PPP2CA: variants seen among roughly 807,000 people sequenced by gnomAD.
PPP2CA encodes serine/threonine-protein phosphatase 2A catalytic subunit alpha isoform.
Under a neutral mutation model 38.8 loss-of-function variants are expected in PPP2CA, and 5 were observed. The observed-to-expected ratio is 0.13, with a 90% CI of 0.07 to 0.27. The LOEUF (loss-of-function observed/expected upper bound fraction) is 0.27. Ranked by LOEUF, PPP2CA falls within the 10% of genes least tolerant of loss-of-function variation. The pLI, the probability that PPP2CA is intolerant of heterozygous loss-of-function variation, is 1.00. For missense variants in PPP2CA, 88 were observed against 389.7 expected, an observed-to-expected ratio of 0.23 and a Z score of 6.52; for synonymous variants, 152 against 134.0, an observed-to-expected ratio of 1.13 and a Z score of -0.93.
At chr5:134,222,960 C>G (rs1423587147) in intron 1 of PPP2CA, among the ~76,000 whole-genome samples, 1 of 152,130 alleles carries the variant, frequency 6.6e-6, no homozygotes, top group Non-Finnish European at 1.5e-5. Context: ...TCTCTCAGTT[C>G]TGAACATGTA....
At chr5:134,225,258 G>C (rs1056870764) in intron 1 of PPP2CA, among the ~76,000 whole-genome samples, 3 of 152,174 alleles carry the variant, frequency 2.0e-5, no homozygotes, top group African/African-American at 7.2e-5. Context: ...AACCACCAAG[G>C]GGTACTAAAG....
chr5:134,213,784 T>C (rs982531522), intron 1 of PPP2CA, among the ~76,000 whole-genome samples: 4 of 151,858 alleles, frequency 2.6e-5, no homozygotes, highest in Admixed American at 1.3e-4. Context: ...TCAAAATAAA[T>C]AAATAAAAGC....
intron 1 of PPP2CA, chr5:134,224,530 T>C: frequency 6.1e-6 from 2 of 327,624 alleles, no homozygotes; most frequent in South Asian, 4.9e-5. Context: ...ATTAATTCTT[T>C]TCACGGATAC....
rs925298168 is a variant in PPP2CA, at chr5:134,226,069, T to C, written c.-208A>G. ...TCGCTGAGGCTCCAGAGCTCGGCTC[T>C]CTGTAATGGCGGCCGCCGGGCGTGG... On this transcript the variant is annotated 5_prime_UTR_variant, in exon 1 of 7. Transcript: ENST00000481195. 1.8e-5 allele frequency: 8 copies of C among 445,730 alleles called. No homozygotes were observed. The highest frequency in any genetic ancestry group is 3.2e-5 in the Non-Finnish European group (8 of 251,778). The allele number at this position is 445,730 out of a possible 1,614,324, so 27.6% of individuals were successfully genotyped here. A position where few individuals can be genotyped will look rare whatever the true frequency, so the allele number is the denominator to read the frequency against.
chr5:134,224,560 C>T (rs189599302), intron 1 of PPP2CA, among the ~76,000 whole-genome samples: 219 of 152,294 alleles, frequency 1.4e-3, no homozygotes, highest in Middle Eastern at 3.4e-3. Context: ...ATATGATACT[C>T]CACTATTCTG....
Position 134,200,283 on chromosome 5 carries a change from TTTCC to T in PPP2CA, c.738+48_738+51del, listed in dbSNP as rs998387652. On this transcript the variant is annotated intron_variant, in intron 5 of 6. Transcript: ENST00000481195. ...TAATTTAAAACTCCCTAATATCTTC[TTTCC>T]TTAAGTTTACTAAAAAAACAAGTCA... 3.3e-6 allele frequency: 5 copies of T among 1,531,878 alleles called. No homozygotes were observed. In the African/African-American group the frequency reaches 4.2e-5, roughly 13 times the overall value. The allele number at this position is 1,531,878 out of a possible 1,614,324, so 94.9% of individuals were successfully genotyped here.
chr5:134,208,733 A>C (rs1762138120), intron 1 of PPP2CA, among the ~76,000 whole-genome samples: 1 of 152,186 alleles, frequency 6.6e-6, no homozygotes, highest in African/African-American at 2.4e-5. Context: ...AAAATTGGGG[A>C]GTGTCTGTAT....
At position 134,202,011 on chromosome 5, in the gene PPP2CA, C is replaced by T. The variant is rs780060316; in HGVS notation, c.323G>A (p.Arg108His). ...TLLVALKVRY[R>H]ERITILRGNH... Reference sequence around the variant, plus strand: ...CCCTCGAAGAATGGTGATGCGTTCACGGTAACGAACCTAAAACAATAAAAT... The same window carrying T: ...CCCTCGAAGAATGGTGATGCGTTCATGGTAACGAACCTAAAACAATAAAAT... The change falls in exon 3 of 7, where the codon CGT (arginine) becomes CAT (histidine). Residue 108 changes from arginine to histidine, a missense_variant. Coordinates refer to ENST00000481195, the MANE Select transcript of PPP2CA (RefSeq NM_002715.4). 1.3e-5 allele frequency: 21 copies of T among 1,596,012 alleles called. No individual in the cohort carries two copies. Among genetic ancestry groups the T allele is most frequent in the African/African-American group, 6.8e-5 (5 of 73,862 alleles).
Position 134,194,608 on chromosome 5 carries a change from T to A in PPP2CA, c.*3164A>T, listed in dbSNP as rs1206098571. 1 of 152,238 alleles carries A rather than the reference T, an allele frequency of 6.6e-6. No homozygotes were observed. Among genetic ancestry groups the A allele is most frequent in the East Asian group, 1.9e-4 (1 of 5,202 alleles). The allele number at this position is 152,238 out of a possible 1,614,324, so 9.4% of individuals were successfully genotyped here. ...TAAGTATGTACTTAGGAAACAGCAG[T>A]GAGGTGTTTTTGTTTTTTGAGATGG... On this transcript the variant is annotated 3_prime_UTR_variant, in exon 7 of 7. Transcript: ENST00000481195.
At chr5:134,199,266 A>C (rs1761922346) in intron 5 of PPP2CA, 62 bp from the exon 6 acceptor site, 13 of 1,255,498 alleles carry the variant, frequency 1.0e-5, no homozygotes, top group African/African-American at 1.5e-5. Context: ...ATGTTACTTC[A>C]CTCAAGAGAG....
intron 1 of PPP2CA, among the ~76,000 whole-genome samples, chr5:134,221,790 TG>T (rs1438850711): frequency 6.6e-6 from 1 of 151,810 alleles, no homozygotes; most frequent in East Asian, 1.9e-4. Context: ...GCCAACATGG[TG>T]AAATCCCATC....
rs1404284209 is a variant in PPP2CA, at chr5:134,196,055, A to G, written c.*1717T>C. On this transcript the variant is annotated 3_prime_UTR_variant, in exon 7 of 7. Coordinates refer to ENST00000481195, the MANE Select transcript of PPP2CA (RefSeq NM_002715.4). ...GTGACAGAGCAACAAAAAGACACAC[A>G]GAGAATGTATTTCTTGTGAAAGAAA... is the stretch of plus-strand genomic sequence containing the variant. 1 of 152,250 alleles carries G rather than the reference A, an allele frequency of 6.6e-6. No homozygotes were observed. Among genetic ancestry groups the G allele is most frequent in the Non-Finnish European group, 1.5e-5 (1 of 68,046 alleles). 9.4% of individuals were successfully genotyped at this position (152,250 alleles called of 1,614,324 possible).
intron 2 of PPP2CA, among the ~76,000 whole-genome samples, chr5:134,203,018 ATCT>A (rs1284254150): frequency 1.3e-5 from 2 of 152,094 alleles, no homozygotes; most frequent in African/African-American, 2.4e-5. Context: ...CTCATGTATC[ATCT>A]TCTTGGGTAA....
intron 1 of PPP2CA, among the ~76,000 whole-genome samples, chr5:134,212,881 C>G (rs1762231310): frequency 6.6e-6 from 1 of 152,170 alleles, no homozygotes; most frequent in South Asian, 2.1e-4. Context: ...GAGGTAGGTC[C>G]TAATTCTTCA....
Position 134,202,025 on chromosome 5 carries a change from A to C in PPP2CA, c.313-4T>G, listed in dbSNP as rs955490178. On this transcript the variant is annotated splice_region_variant and splice_polypyrimidine_tract_variant and intron_variant, in intron 2 of 6. Coordinates refer to ENST00000481195, the MANE Select transcript of PPP2CA (RefSeq NM_002715.4). Reference sequence around the variant, plus strand: ...TGATGCGTTCACGGTAACGAACCTAAAACAATAAAATGCAAAACATAAACA... The same window carrying C: ...TGATGCGTTCACGGTAACGAACCTACAACAATAAAATGCAAAACATAAACA... 5 of 1,573,458 alleles carry C rather than the reference A, an allele frequency of 3.2e-6. No individual in the cohort carries two copies. In the African/African-American group the frequency reaches 6.9e-5, roughly 22 times the overall value.
chr5:134,217,540 AG>A (rs1762347520), intron 1 of PPP2CA, among the ~76,000 whole-genome samples: 2 of 152,210 alleles, frequency 1.3e-5, no homozygotes, highest in South Asian at 4.1e-4. Flanking sequence ...ATATCCCAAG[AG>A]AATTTCATTT....
rs935258526 is a variant in PPP2CA, at chr5:134,225,971, T to C, written c.-110A>G. The C allele has an allele frequency of 2.9e-6, 3 of 1,020,782 alleles. No individual in the cohort carries two copies. The African/African-American group carries it at 5.0e-5, about 17-fold the overall frequency. 63.2% of individuals were successfully genotyped at this position (1,020,782 alleles called of 1,614,324 possible). On this transcript the variant is annotated 5_prime_UTR_variant, in exon 1 of 7. Transcript: ENST00000481195. ...CGGTTCCTCGTGTACTTCTGGCGGC[T>C]GTTGAGGCTGGCGCTGGCCCGCTGG...
chr5:134,222,369 T>G (rs957202093), intron 1 of PPP2CA, among the ~76,000 whole-genome samples: 1 of 152,162 alleles, frequency 6.6e-6, no homozygotes, highest in East Asian at 1.9e-4. Context: ...CATATAAGAA[T>G]GTCATCTTGG....
At chr5:134,220,362 G>A in intron 1 of PPP2CA, among the ~76,000 whole-genome samples, 1 of 145,430 alleles carries the variant, frequency 6.9e-6, no homozygotes, top group East Asian at 2.0e-4. Context: ...GGGAGGCTGA[G>A]GCAGGAGAAC....
Sources: gnomAD v4.1 joint callset for allele counts (sites outside exome capture counted in the v4.1 genomes callset) on GRCh38, gnomAD v4.1.1 for gene constraint, MANE v1.5 for transcripts, NCBI Gene and HGNC (gene_info 2026-07-23, HGNC 2026-07-21) for gene names.